Variants in APBB1IP observed in about 807,000 individuals in gnomAD.
The protein encoded by APBB1IP is amyloid beta precursor protein binding family B member 1 interacting protein.
APBB1IP carries 27 observed loss-of-function variants against 64.9 expected under a neutral mutation model. That is an observed-to-expected ratio of 0.42 (90% CI 0.31 to 0.57). The LOEUF (loss-of-function observed/expected upper bound fraction) is 0.57. Among genes scored for constraint, APBB1IP ranks in the 20% least tolerant of loss-of-function variants. APBB1IP has a pLI of 0.20. For missense variants in APBB1IP, 812 were observed against 845.5 expected (o/e 0.96, Z 0.49); for synonymous variants, 392 against 331.0 (o/e 1.18, Z -2.00).
At chr10:26,462,708 A>G (rs1487288053) in intron 2 of APBB1IP, among the ~76,000 whole-genome samples, 6 of 152,066 alleles carry the variant, frequency 3.9e-5, no homozygotes, top group Non-Finnish European at 8.8e-5. Context: ...TGCTTTTTTT[A>G]GTGGCAACTC....
At chr10:26,451,849 A>C (rs1460078827) in intron 2 of APBB1IP, among the ~76,000 whole-genome samples, 1 of 152,242 alleles carries the variant, frequency 6.6e-6, no homozygotes, top group African/African-American at 2.4e-5. Flanking sequence ...ATCAGTAGAC[A>C]TGGAGACTTC....
At chr10:26,494,170 G>A (rs543254416) in intron 3 of APBB1IP, among the ~76,000 whole-genome samples, 197 of 152,304 alleles carry the variant, frequency 1.3e-3, no homozygotes, top group African/African-American at 4.6e-3. Flanking sequence ...TACCCTCAAA[G>A]GAATGTGAAA....
chr10:26,479,771 G>C (rs537387209), intron 2 of APBB1IP, among the ~76,000 whole-genome samples: 1 of 152,298 alleles, frequency 6.6e-6, no homozygotes, highest in South Asian at 2.1e-4. Flanking sequence ...CTGTATAGAT[G>C]ATTTAGTGTC....
chr10:26,553,771 C>T (rs899035410), intron 11 of APBB1IP, among the ~76,000 whole-genome samples: 7 of 152,204 alleles, frequency 4.6e-5, no homozygotes, highest in Admixed American at 6.5e-5. Flanking sequence ...AGGCTTCTCC[C>T]TGCACCTCTG....
intron 11 of APBB1IP, among the ~76,000 whole-genome samples, chr10:26,544,536 G>T (rs923973925): frequency 6.6e-6 from 1 of 152,134 alleles, no homozygotes; most frequent in African/African-American, 2.4e-5. Flanking sequence ...GGCTTAGCTG[G>T]TGATTAAATG....
intron 2 of APBB1IP, among the ~76,000 whole-genome samples, chr10:26,482,924 GAA>G (rs35279566): frequency 0.093 from 12,058 of 130,056 alleles, 580 homozygotes; most frequent in Middle Eastern, 0.17. Context: ...TTTCTCAAGT[GAA>G]AAAAAAAAAA....
In APBB1IP at chr10:26,476,358, G is replaced by C. The variant is rs12261655; in HGVS notation, c.1-15969G>C. On this transcript the variant is annotated intron_variant, in intron 2 of 14. Coordinates refer to ENST00000376236, the MANE Select transcript of APBB1IP (RefSeq NM_019043.4). ...GCTACTTGGGAGGCTGAAGCAGGAGGATTGCTTCAGCTCAGGAGTTCAAGG... is the reference window on the plus strand; with the variant it reads ...GCTACTTGGGAGGCTGAAGCAGGAGCATTGCTTCAGCTCAGGAGTTCAAGG... Among the ~76,000 whole-genome samples the C allele has an allele frequency of 2.8e-5, 4 of 145,088 alleles. No individual in the cohort carries two copies. In the Admixed American group the frequency reaches 2.9e-4, roughly 10 times the overall value.
intron 12 of APBB1IP, 44 bp from the exon 13 acceptor site, chr10:26,560,686 G>A: frequency 7.1e-7 from 1 of 1,408,588 alleles, no homozygotes; most frequent in South Asian, 1.3e-5. Flanking sequence ...CAGAATTTGG[G>A]ATACATGGAT....
At chr10:26,449,124 G>C (rs888788939) in intron 2 of APBB1IP, among the ~76,000 whole-genome samples, 1 of 152,260 alleles carries the variant, frequency 6.6e-6, no homozygotes. Flanking sequence ...GTTAAGAATG[G>C]TTACGGATCC....
At chr10:26,485,819 G>T (rs555761865) in intron 2 of APBB1IP, among the ~76,000 whole-genome samples, 7 of 152,280 alleles carry the variant, frequency 4.6e-5, no homozygotes, top group African/African-American at 1.4e-4. Flanking sequence ...ATGACAGCTG[G>T]ATTTTGAATG....
intron 11 of APBB1IP, among the ~76,000 whole-genome samples, chr10:26,558,615 TAAA>T (rs535098612): frequency 7.6e-6 from 1 of 131,250 alleles, no homozygotes. Flanking sequence ...AGTGTTTCTT[TAAA>T]AAAAAAAAAA....
chr10:26,519,632 A>G (rs787068), intron 8 of APBB1IP, among the ~76,000 whole-genome samples: 47,635 of 152,116 alleles, frequency 0.31, 7,640 homozygotes, highest in Middle Eastern at 0.38. Flanking sequence ...AATCCAAACC[A>G]TTACTACTGT....
intron 8 of APBB1IP, among the ~76,000 whole-genome samples, chr10:26,522,611 G>C (rs1360374924): frequency 1.3e-5 from 2 of 152,094 alleles, no homozygotes; most frequent in East Asian, 1.9e-4. Context: ...TGATGGGTGA[G>C]CTTTTCTTTT....
chr10:26,564,254 G>A (rs545992105), intron 14 of APBB1IP, among the ~76,000 whole-genome samples: 1 of 152,192 alleles, frequency 6.6e-6, no homozygotes, highest in African/African-American at 2.4e-5. Context: ...ATTCAATCCA[G>A]CTGCCTGGGG....
chr10:26,481,826 CGTGTGTGT>C (rs71521683), intron 2 of APBB1IP, among the ~76,000 whole-genome samples: 2,868 of 143,316 alleles, frequency 0.02, 88 homozygotes, highest in African/African-American at 0.067. Context: ...CATCTCATTA[CGTGTGTGT>C]GTGTGTGTGT....
intron 8 of APBB1IP, among the ~76,000 whole-genome samples, chr10:26,515,974 G>A (rs1300631675): frequency 6.6e-6 from 1 of 152,074 alleles, no homozygotes; most frequent in Non-Finnish European, 1.5e-5. Context: ...ATCTTCACAA[G>A]AGTCAAGTCT....
chr10:26,486,411 T>G (rs566246884), intron 2 of APBB1IP, among the ~76,000 whole-genome samples: 1 of 151,652 alleles, frequency 6.6e-6, no homozygotes, highest in African/African-American at 2.4e-5. Context: ...GATGGAAAAA[T>G]GGGAGGAGTA....
intron 8 of APBB1IP, among the ~76,000 whole-genome samples, chr10:26,522,185 C>T (rs770265441): frequency 6.3e-5 from 9 of 143,812 alleles, no homozygotes; most frequent in Non-Finnish European, 1.4e-4. Context: ...TTAAGAAGCA[C>T]ATGAATAAGT....
chr10:26,513,457 C>A, intron 7 of APBB1IP, 82 bp from the exon 8 acceptor site: 1 of 1,508,140 alleles, frequency 6.6e-7, no homozygotes, highest in Non-Finnish European at 9.1e-7. Context: ...AGTCATGAAG[C>A]ATTAACTCAA....
Sources: allele counts gnomAD v4.1 joint callset (sites outside exome capture counted in the v4.1 genomes callset), GRCh38; gene constraint gnomAD v4.1.1; transcripts MANE v1.5; gene names NCBI Gene and HGNC (gene_info 2026-07-23, HGNC 2026-07-21).